TMEM132D: variants seen among roughly 807,000 people sequenced by gnomAD.
TMEM132D encodes mature OL transmembrane protein.
TMEM132D carries 21 observed loss-of-function variants against 62.3 expected under a neutral mutation model. The ratio of observed to expected loss-of-function variants is 0.34; its 90% CI spans 0.24 to 0.49. The LOEUF (loss-of-function observed/expected upper bound fraction) is 0.49. Among genes scored for constraint, TMEM132D ranks in the 20% least tolerant of loss-of-function variants. The pLI is 0.99. For synonymous variants in TMEM132D, 621 were observed against 575.6 expected (o/e 1.08, Z -1.13); for missense variants, 1,346 against 1,402.8 (o/e 0.96, Z 0.65).
At chr12:129,897,694 A>G (rs1006840137) in intron 1 of TMEM132D, among the ~76,000 whole-genome samples, 16 of 152,206 alleles carry the variant, frequency 1.1e-4, no homozygotes, top group Non-Finnish European at 5.9e-5. Flanking sequence ...TTCAGGTGTT[A>G]TTTCTGATTG....
At chr12:129,885,463 T>A (rs551268072) in intron 1 of TMEM132D, among the ~76,000 whole-genome samples, 2 of 152,326 alleles carry the variant, frequency 1.3e-5, no homozygotes, top group African/African-American at 4.8e-5. Context: ...AAACTACCAA[T>A]GCTTGGAACT....
chr12:129,872,937 T>C (rs1294006402), intron 1 of TMEM132D, among the ~76,000 whole-genome samples: 6 of 152,158 alleles, frequency 3.9e-5, no homozygotes, highest in Admixed American at 3.9e-4. Context: ...TAGGTGCCTC[T>C]CAATAAAAAG....
intron 2 of TMEM132D, among the ~76,000 whole-genome samples, chr12:129,656,422 G>A (rs1339850861): frequency 6.6e-6 from 1 of 152,154 alleles, no homozygotes; most frequent in Admixed American, 6.5e-5. Flanking sequence ...TATAACAGCT[G>A]AACTCAAGGG....
chr12:129,689,040 C>T (rs1399061998), intron 2 of TMEM132D, among the ~76,000 whole-genome samples: 3 of 152,128 alleles, frequency 2.0e-5, no homozygotes, highest in Non-Finnish European at 4.4e-5. Flanking sequence ...TAGTCAGAGG[C>T]CAGAGATGCT....
Position 129,599,350 on chromosome 12 carries a change from G to T in TMEM132D, c.969-68145C>A, listed in dbSNP as rs73439553. The stretch of plus-strand genomic sequence containing the variant: ...ATCCTTTGTTTATAATCAGACAAAA[G>T]AAATAATAAAATGTGATTTTGAATT... On this transcript the variant is annotated intron_variant, in intron 2 of 8. Transcript: ENST00000422113. Among the ~76,000 whole-genome samples, 627 of 152,246 alleles carry T rather than the reference G, an allele frequency of 4.1e-3. 4 individuals are homozygous for T. Among genetic ancestry groups the T allele is most frequent in the African/African-American group, 0.014 (599 of 41,564 alleles).
intron 2 of TMEM132D, among the ~76,000 whole-genome samples, chr12:129,571,161 A>T (rs2137119426): frequency 6.6e-6 from 1 of 152,328 alleles, no homozygotes; most frequent in South Asian, 2.1e-4. Context: ...CCGTCCCTGG[A>T]TGGACACTGT....
intron 1 of TMEM132D, among the ~76,000 whole-genome samples, chr12:129,760,477 CCCCGCCTCCACTACAGGCG>C: frequency 1.3e-5 from 2 of 150,596 alleles, no homozygotes; most frequent in African/African-American, 4.9e-5. Context: ...GACTACAGGC[CCCCGCCTCCACTACAGGCG>C]CCCGCCTCCA....
intron 1 of TMEM132D, among the ~76,000 whole-genome samples, chr12:129,902,570 C>T (rs1418557220): frequency 6.6e-6 from 1 of 152,202 alleles, no homozygotes; most frequent in East Asian, 1.9e-4. Flanking sequence ...TGACACATGG[C>T]TTCAAGTCAG....
At chr12:129,510,795 T>C (rs1875474310) in intron 3 of TMEM132D, among the ~76,000 whole-genome samples, 2 of 152,186 alleles carry the variant, frequency 1.3e-5, no homozygotes, top group African/African-American at 4.8e-5. Context: ...CACAATCTAC[T>C]GAAGAGACTG....
intron 5 of TMEM132D, among the ~76,000 whole-genome samples, chr12:129,118,689 C>A (rs763881044): frequency 6.6e-6 from 1 of 152,176 alleles, no homozygotes; most frequent in Admixed American, 6.5e-5. Flanking sequence ...TAGTGAAATG[C>A]CCTTAGATTA....
chr12:129,500,044 TC>T (rs1321983602), intron 3 of TMEM132D, among the ~76,000 whole-genome samples: 7 of 141,718 alleles, frequency 4.9e-5, no homozygotes, highest in Admixed American at 2.1e-4. Context: ...ACCTCATCTG[TC>T]CCCCATCAGT....
At chr12:129,693,362 T>C (rs767429317) in intron 2 of TMEM132D, among the ~76,000 whole-genome samples, 1 of 152,158 alleles carries the variant, frequency 6.6e-6, no homozygotes, top group East Asian at 1.9e-4. Context: ...ATTGAATAAA[T>C]ACATAAACGA....
chr12:129,282,742 G>A (rs1881190409), intron 4 of TMEM132D, among the ~76,000 whole-genome samples: 2 of 152,188 alleles, frequency 1.3e-5, no homozygotes, highest in Non-Finnish European at 1.5e-5. Flanking sequence ...CTGAGTTACT[G>A]AGATGACGGT....
intron 3 of TMEM132D, among the ~76,000 whole-genome samples, chr12:129,377,793 T>C (rs1314024432): frequency 6.6e-6 from 1 of 152,240 alleles, no homozygotes; most frequent in Non-Finnish European, 1.5e-5. Flanking sequence ...CATGCTGTGA[T>C]TTCTGTTATG....
intron 4 of TMEM132D, among the ~76,000 whole-genome samples, chr12:129,257,276 G>A (rs1374737579): frequency 2.0e-5 from 3 of 148,504 alleles, no homozygotes; most frequent in South Asian, 2.1e-4. Context: ...GCACGATCTC[G>A]GCTCACTGCA....
intron 1 of TMEM132D, among the ~76,000 whole-genome samples, chr12:129,749,577 C>T (rs1244786854): frequency 6.6e-6 from 1 of 151,974 alleles, no homozygotes; most frequent in African/African-American, 2.4e-5. Flanking sequence ...CTGCCTCAGC[C>T]TCCCAAGTAG....
intron 2 of TMEM132D, among the ~76,000 whole-genome samples, chr12:129,618,511 A>C (rs1878981108): frequency 1.3e-5 from 2 of 152,182 alleles, no homozygotes; most frequent in Admixed American, 1.3e-4. Context: ...GAGTTACTAT[A>C]TTTGGCTTTG....
intron 1 of TMEM132D, among the ~76,000 whole-genome samples, chr12:129,817,452 CCGCT>C (rs150915995): frequency 0.31 from 47,528 of 151,804 alleles, 7,445 homozygotes; most frequent in Admixed American, 0.36. Context: ...GGGGCACCAA[CCGCT>C]CGCTCTCTCT....
chr12:129,276,916 C>G (rs1881021309), intron 4 of TMEM132D, among the ~76,000 whole-genome samples: 1 of 152,194 alleles, frequency 6.6e-6, no homozygotes, highest in African/African-American at 2.4e-5. Context: ...CATTGCTATT[C>G]ACTTGAGTGT....
Sources: gnomAD v4.1 joint callset for allele counts (sites outside exome capture counted in the v4.1 genomes callset) on GRCh38, gnomAD v4.1.1 for gene constraint, MANE v1.5 for transcripts, NCBI Gene and HGNC (gene_info 2026-07-23, HGNC 2026-07-21) for gene names.